SCNM1: variants seen among roughly 807,000 people sequenced by gnomAD.
SCNM1 encodes sodium channel modifier 1.
Under a neutral mutation model 32.8 loss-of-function variants are expected in SCNM1, and 24 were observed. The observed-to-expected ratio is 0.73, with a 90% CI of 0.53 to 1.03. The LOEUF (loss-of-function observed/expected upper bound fraction) is 1.03, where lower values mean the gene tolerates loss of function less well. Ranked by LOEUF, SCNM1 falls within the 50% of genes least tolerant of loss-of-function variation. The pLI is 0.00. For missense variants in SCNM1, 274 were observed against 282.3 expected (o/e 0.97, Z 0.21); for synonymous variants, 99 against 103.2 (o/e 0.96, Z 0.25).
chr1:151,168,314 T>G lies in SCNM1; in HGVS notation c.569T>G (p.Leu190Arg). Residue 190 changes from leucine to arginine, a missense_variant, in exon 6 of 7, where the codon CTG (leucine) becomes CGG (arginine). Coordinates refer to ENST00000368905, the MANE Select transcript of SCNM1 (RefSeq NM_024041.4). ...APMSPTRRRA[L>R]DHYLTLRSSG... is the part of the protein sequence containing the mutation. ...ATGAGCCCCACAAGAAGACGAGCCC[T>G]GGACCATTATCTCACCCTTCGAAGG... 6.2e-7 allele frequency: 1 copy of G among 1,611,846 alleles called. No homozygotes were observed.
In SCNM1 at chr1:151,169,854, T is replaced by C; in HGVS notation, c.*769T>C. On this transcript the variant is annotated 3_prime_UTR_variant, in exon 7 of 7. Coordinates refer to ENST00000368905, the MANE Select transcript of SCNM1 (RefSeq NM_024041.4). The stretch of plus-strand genomic sequence containing the variant: ...CACCAAGGGAGGGAACACCCCCACC[T>C]CCTCCTAGTAACCTGAACCTCCCTG... 1.8e-6 allele frequency: 1 copy of C among 559,170 alleles called. No individual in the cohort carries two copies. The highest frequency in any genetic ancestry group is 2.0e-5 in the South Asian group (1 of 49,070). The allele number at this position is 559,170 out of a possible 1,614,324, so 34.6% of individuals were successfully genotyped here. A position where few individuals can be genotyped will look rare whatever the true frequency, so the allele number is the denominator to read the frequency against.
At chr1:151,168,412 CTTTT>C in intron 6 of SCNM1, 74 bp downstream of exon 6, 7 of 1,227,042 alleles carry the variant, frequency 5.7e-6, no homozygotes, top group South Asian at 1.7e-5. Flanking sequence ...ATTGTTTTTC[CTTTT>C]TTTTTTTTTG....
In SCNM1 at chr1:151,170,030, G is replaced by A; in HGVS notation, c.*945G>A. 1 of 1,605,970 alleles carries A rather than the reference G, an allele frequency of 6.2e-7. No homozygotes were observed. The highest frequency in any genetic ancestry group is 8.5e-7 in the Non-Finnish European group (1 of 1,172,656). On this transcript the variant is annotated 3_prime_UTR_variant, in exon 7 of 7. Coordinates refer to ENST00000368905, the MANE Select transcript of SCNM1 (RefSeq NM_024041.4). The stretch of plus-strand genomic sequence containing the variant: ...TTTACAGGAAAGGAGGACAGATGAG[G>A]ATTTAAGTGTCCAGTGCTCCCAGCG...
In SCNM1 at chr1:151,169,174, A is replaced by T; in HGVS notation, c.*89A>T. On this transcript the variant is annotated 3_prime_UTR_variant, in exon 7 of 7. Transcript: ENST00000368905. Reference sequence around the variant, plus strand: ...GTCTGGTTCCTTGTTGGATCTCAGGATTTCAGATCTGTTCATTCTCATTCC... The same window carrying T: ...GTCTGGTTCCTTGTTGGATCTCAGGTTTTCAGATCTGTTCATTCTCATTCC... 1 of 1,424,092 alleles carries T rather than the reference A, an allele frequency of 7.0e-7. No homozygotes were observed. The highest frequency in any genetic ancestry group is 9.7e-7 in the Non-Finnish European group (1 of 1,035,644). 88.2% of individuals were successfully genotyped at this position (1,424,092 alleles called of 1,614,324 possible). A position where few individuals can be genotyped will look rare whatever the true frequency, so the allele number is the denominator to read the frequency against.
chr1:151,170,126 A>G lies in SCNM1; in HGVS notation c.*1041A>G, dbSNP rs1452058520. The G allele has an allele frequency of 1.9e-6, 3 of 1,613,994 alleles. No individual in the cohort carries two copies. The highest frequency in any genetic ancestry group is 2.7e-5 in the African/African-American group (2 of 74,934). On this transcript the variant is annotated 3_prime_UTR_variant, in exon 7 of 7. Transcript: ENST00000368905. ...GACCTGTAAAGGAGCAATATTAAAC[A>G]TAAGTGTTTGTTCCAGCTCCTGCTT...
At chr1:151,166,324 G>C in intron 1 of SCNM1, 121 bp downstream of exon 1, 2 of 1,536,884 alleles carry the variant, frequency 1.3e-6, no homozygotes, top group Non-Finnish European at 1.8e-6. Flanking sequence ...GCGACTTAGA[G>C]CTGTGTAGTG....
intron 6 of SCNM1, 52 bp downstream of exon 6, chr1:151,168,390 T>G (rs1251068962): frequency 6.6e-7 from 1 of 1,525,228 alleles, no homozygotes; most frequent in Non-Finnish European, 8.8e-7. Flanking sequence ...CTGACACCCT[T>G]GTTTCAAAGC....
chr1:151,167,472 A>C, intron 5 of SCNM1, 58 bp downstream of exon 5: 4 of 1,589,094 alleles, frequency 2.5e-6, no homozygotes, highest in Non-Finnish European at 3.5e-6. Flanking sequence ...TGGCTCTAAA[A>C]GAGTTTTCCA....
chr1:151,166,147 G>C lies in SCNM1; in HGVS notation c.-6G>C. ...GAATTTATCACTTCTGGGACTCACA[G>C]TCGTGATGTCTTTCAAGAGGGAAGG... On this transcript the variant is annotated 5_prime_UTR_variant, in exon 1 of 7. Transcript: ENST00000368905. 1 of 1,601,288 alleles carries C rather than the reference G, an allele frequency of 6.2e-7. No homozygotes were observed. Among genetic ancestry groups the C allele is most frequent in the East Asian group, 2.2e-5 (1 of 44,758 alleles).
intron 6 of SCNM1, among the ~76,000 whole-genome samples, chr1:151,168,685 G>A (rs1683829459): frequency 6.6e-6 from 1 of 151,924 alleles, no homozygotes; most frequent in Non-Finnish European, 1.5e-5. Flanking sequence ...TGGGATTACA[G>A]GTGTGAGCCA....
chr1:151,167,501 A>G lies in SCNM1; in HGVS notation c.398+87A>G, dbSNP rs587644501. 1.5e-3 allele frequency: 2,337 copies of G among 1,541,268 alleles called. 17 individuals carry two copies. Among genetic ancestry groups the G allele is most frequent in the Middle Eastern group, 9.8e-3 (58 of 5,912 alleles). On this transcript the variant is annotated intron_variant, in intron 5 of 6. Coordinates refer to ENST00000368905, the MANE Select transcript of SCNM1 (RefSeq NM_024041.4). ...TTTTCCAGTGTGTATTCTGAGGAAT[A>G]CTAGTGTTCTGGAGATGTTACTTAG...
rs780701964 is a variant in SCNM1 at position 151,169,393 on chromosome 1, C to T, written c.*308C>T. 3 of 225,054 alleles carry T rather than the reference C, an allele frequency of 1.3e-5. No individual in the cohort carries two copies. Among genetic ancestry groups the T allele is most frequent in the African/African-American group, 2.3e-5 (1 of 43,840 alleles). The allele number at this position is 225,054 out of a possible 1,614,324, so 13.9% of individuals were successfully genotyped here. A position where few individuals can be genotyped will look rare whatever the true frequency, so the allele number is the denominator to read the frequency against. ...CTGAGTAGCTGGGACTACAGGCGCC[C>T]GCCACCATGCCCAGCTAATTTTTTG... is the stretch of plus-strand genomic sequence containing the variant. On this transcript the variant is annotated 3_prime_UTR_variant, in exon 7 of 7. Coordinates refer to ENST00000368905, the MANE Select transcript of SCNM1 (RefSeq NM_024041.4).
chr1:151,168,143 G>A lies in SCNM1; in HGVS notation c.399-1G>A. Reference sequence around the variant, plus strand: ...TTTACAGACTATTCTTCTCTACCTAGACCAGAAGCCCCTGGTCCCTCTGTC... The same window carrying A: ...TTTACAGACTATTCTTCTCTACCTAAACCAGAAGCCCCTGGTCCCTCTGTC... On this transcript the variant is annotated splice_acceptor_variant, in intron 5 of 6. Coordinates refer to ENST00000368905, the MANE Select transcript of SCNM1 (RefSeq NM_024041.4). LOFTEE classifies it high-confidence loss of function. 1 of 1,610,100 alleles carries A rather than the reference G, an allele frequency of 6.2e-7. No homozygotes were observed. Among genetic ancestry groups the A allele is most frequent in the African/African-American group, 1.3e-5 (1 of 74,796 alleles).
At chr1:151,167,561 G>A (rs1362505286) in intron 5 of SCNM1, 147 bp downstream of exon 5, 2 of 1,091,054 alleles carry the variant, frequency 1.8e-6, no homozygotes, top group Middle Eastern at 2.5e-4. Flanking sequence ...GCTGGGCGCG[G>A]TGACTCACGC....
At chr1:151,166,567 T>A (rs1377347305) in intron 2 of SCNM1, 26 bp downstream of exon 2, 4 of 1,611,464 alleles carry the variant, frequency 2.5e-6, no homozygotes, top group Non-Finnish European at 3.4e-6. Context: ...GGCTCAAGCC[T>A]GAGGGTTCTG....
chr1:151,170,261 C>A lies in SCNM1; in HGVS notation c.*1176C>A. Reference sequence around the variant, plus strand: ...CACATTAACAAAACAAAACAAGAAACCACACCACAAATAAAATTACGATAC... The same window carrying A: ...CACATTAACAAAACAAAACAAGAAAACACACCACAAATAAAATTACGATAC... On this transcript the variant is annotated 3_prime_UTR_variant, in exon 7 of 7. Coordinates refer to ENST00000368905, the MANE Select transcript of SCNM1 (RefSeq NM_024041.4). The A allele has an allele frequency of 1.1e-6, 1 of 899,918 alleles. No individual in the cohort carries two copies. Among genetic ancestry groups the A allele is most frequent in the Non-Finnish European group, 1.7e-6 (1 of 584,322 alleles). The allele number at this position is 899,918 out of a possible 1,614,324, so 55.7% of individuals were successfully genotyped here. A position where few individuals can be genotyped will look rare whatever the true frequency, so the allele number is the denominator to read the frequency against.
chr1:151,166,201 A>G lies in SCNM1; in HGVS notation c.49A>G (p.Lys17Glu), dbSNP rs758912220. 1.2e-6 allele frequency: 2 copies of G among 1,600,140 alleles called. No individual in the cohort carries two copies. Among genetic ancestry groups the G allele is most frequent in the Non-Finnish European group, 1.7e-6 (2 of 1,172,592 alleles). The stretch of plus-strand genomic sequence containing the variant: ...CGATTGGAGTCAACTCAATGTGCTC[A>G]AAGTAAGCGTGAGCGGAGAGGATCT... Reference protein sequence around the residue: ...GDDWSQLNVLKKRRVGDLLAS... With the variant: ...GDDWSQLNVLEKRRVGDLLAS... Residue 17 changes from lysine (K) to glutamate (E), a missense_variant and splice_region_variant, in exon 1 of 7, where the codon AAA becomes GAA. Transcript: ENST00000368905.
At position 151,169,104 on chromosome 1, in the gene SCNM1, TC is replaced by T. The variant is rs769115844; in HGVS notation, c.*20del. 6.2e-7 allele frequency: 1 copy of T among 1,613,888 alleles called. No homozygotes were observed. The highest frequency in any genetic ancestry group is 8.5e-7 in the Non-Finnish European group (1 of 1,179,816). ...GGACTGATACCCTTTTCCCATTCATTCACAAATAAATTACAATGGGTGCTGA... is the reference window on the plus strand; with the variant it reads ...GGACTGATACCCTTTTCCCATTCATTACAAATAAATTACAATGGGTGCTGA... On this transcript the variant is annotated 3_prime_UTR_variant, in exon 7 of 7. Coordinates refer to ENST00000368905, the MANE Select transcript of SCNM1 (RefSeq NM_024041.4).
At position 151,166,965 on chromosome 1, in the gene SCNM1, G is replaced by C. The variant is rs370022798; in HGVS notation, c.154G>C (p.Val52Leu). The C allele has an allele frequency of 9.3e-6, 15 of 1,614,100 alleles. No homozygotes were observed. The highest frequency in any genetic ancestry group is 1.2e-5 in the Non-Finnish European group (14 of 1,180,026). ...FACAICPHRP[V>L]LDTLAMLTAH... ...TTGTGCCATCTGCCCCCATCGACCG[G>C]TACTGGACACCCTGGCCATGCTGAC... Residue 52 changes from valine to leucine, a missense_variant, in exon 3 of 7, where the codon GTA becomes CTA. Physicochemically the swap from Val to Leu is conservative, Grantham distance 32. Transcript: ENST00000368905.
Sources: gnomAD v4.1 joint callset for allele counts (sites outside exome capture counted in the v4.1 genomes callset) on GRCh38, gnomAD v4.1.1 for gene constraint, MANE v1.5 for transcripts, NCBI Gene and HGNC (gene_info 2026-07-23, HGNC 2026-07-21) for gene names.